MAP4K3: variants seen among roughly 807,000 people sequenced by gnomAD.
MAP4K3 encodes MAPK/ERK kinase kinase kinase 3.
MAP4K3 carries 94 observed loss-of-function variants against 143.5 expected under a neutral mutation model. The ratio of observed to expected loss-of-function variants is 0.65; its 90% CI spans 0.55 to 0.78. MAP4K3 has a LOEUF of 0.78. MAP4K3 is among the 30% of genes least tolerant of loss of function. The probability of loss-of-function intolerance (pLI) is 0.00; values close to 1 mark genes in which losing one functional copy is unlikely to be tolerated. For synonymous variants in MAP4K3, 416 were observed against 347.2 expected (o/e 1.20, Z -2.20); for missense variants, 1,077 against 1,068.1 (o/e 1.01, Z -0.12).
chr2:39,423,446 T>G (rs945442398), intron 1 of MAP4K3, among the ~76,000 whole-genome samples: 1 of 152,198 alleles, frequency 6.6e-6, no homozygotes, highest in Non-Finnish European at 1.5e-5. Context: ...AAAATTTATG[T>G]CCATATAAAA....
intron 28 of MAP4K3, among the ~76,000 whole-genome samples, chr2:39,263,643 G>A (rs1680660337): frequency 6.6e-6 from 1 of 152,072 alleles, no homozygotes. Context: ...AGGAAGGCAG[G>A]CAAACATTAT....
intron 1 of MAP4K3, among the ~76,000 whole-genome samples, chr2:39,383,359 C>T (rs936329423): frequency 1.3e-5 from 2 of 152,064 alleles, no homozygotes; most frequent in Admixed American, 1.3e-4. Flanking sequence ...ACCATCAGAT[C>T]TCATGAGAAC....
chr2:39,269,293 A>C (rs534661687), intron 26 of MAP4K3, among the ~76,000 whole-genome samples: 1 of 152,074 alleles, frequency 6.6e-6, no homozygotes, highest in Admixed American at 6.5e-5. Context: ...GTAGTACTGT[A>C]ATTTTAACCC....
intron 4 of MAP4K3, among the ~76,000 whole-genome samples, chr2:39,339,292 T>C (rs1376948153): frequency 6.6e-6 from 1 of 152,190 alleles, no homozygotes. Context: ...CCACACACAT[T>C]CAGTAAGATA....
At chr2:39,352,312 A>G (rs1228500368) in intron 3 of MAP4K3, among the ~76,000 whole-genome samples, 1 of 152,078 alleles carries the variant, frequency 6.6e-6, no homozygotes, top group Non-Finnish European at 1.5e-5. Flanking sequence ...ATAAATGAGC[A>G]TTTATTGTTT....
intron 2 of MAP4K3, 41 bp downstream of exon 2, chr2:39,378,025 G>T: frequency 2.6e-6 from 3 of 1,153,998 alleles, no homozygotes; most frequent in Non-Finnish European, 3.9e-6. Flanking sequence ...ATATCCCATG[G>T]CTTTCTAGCA....
At chr2:39,252,369 G>T (rs556096631) in intron 32 of MAP4K3, among the ~76,000 whole-genome samples, 1 of 152,318 alleles carries the variant, frequency 6.6e-6, no homozygotes, top group Admixed American at 6.5e-5. Flanking sequence ...GCTAGAAATG[G>T]TTTTGCCTTA....
chr2:39,413,206 G>A (rs1360600507), intron 1 of MAP4K3, among the ~76,000 whole-genome samples: 1 of 152,146 alleles, frequency 6.6e-6, no homozygotes, highest in East Asian at 1.9e-4. Flanking sequence ...ATCAGAAAGA[G>A]AAAAATACAT....
At chr2:39,425,461 G>C (rs765784192) in intron 1 of MAP4K3, among the ~76,000 whole-genome samples, 1 of 152,204 alleles carries the variant, frequency 6.6e-6, no homozygotes, top group Non-Finnish European at 1.5e-5. Flanking sequence ...AGCATCTGGA[G>C]ATGGGGCTTT....
At chr2:39,318,175 G>C (rs1415705706) in intron 12 of MAP4K3, among the ~76,000 whole-genome samples, 1 of 152,036 alleles carries the variant, frequency 6.6e-6, no homozygotes, top group African/African-American at 2.4e-5. Flanking sequence ...TGTTCTCACT[G>C]ATAAGTGGGA....
intron 1 of MAP4K3, among the ~76,000 whole-genome samples, chr2:39,410,189 T>C (rs935936579): frequency 1.3e-5 from 2 of 152,202 alleles, no homozygotes; most frequent in Non-Finnish European, 2.9e-5. Flanking sequence ...ATCTGTCATT[T>C]AAAGCAACAG....
At chr2:39,332,915 T>A (rs1452410389) in intron 7 of MAP4K3, among the ~76,000 whole-genome samples, 1 of 152,068 alleles carries the variant, frequency 6.6e-6, no homozygotes, top group Non-Finnish European at 1.5e-5. Flanking sequence ...AAATAACTGT[T>A]TTCTATTTGT....
At chr2:39,290,084 C>CAAAAA (rs57058905) in intron 19 of MAP4K3, among the ~76,000 whole-genome samples, 3 of 111,976 alleles carry the variant, frequency 2.7e-5, no homozygotes, top group African/African-American at 1.1e-4. Flanking sequence ...GAGACTGTCT[C>CAAAAA]AAAAAAAAAA....
chr2:39,267,309 A>C, intron 26 of MAP4K3, 62 bp from the exon 27 acceptor site: 3 of 1,254,326 alleles, frequency 2.4e-6, no homozygotes, highest in Non-Finnish European at 3.5e-6. Context: ...TGAAAAAGCT[A>C]CTGTTATAGA....
At chr2:39,342,108 G>T (rs1290100583) in intron 4 of MAP4K3, among the ~76,000 whole-genome samples, 1 of 143,144 alleles carries the variant, frequency 7.0e-6, no homozygotes, top group Non-Finnish European at 1.5e-5. Context: ...TGTCTTTCTA[G>T]TATTATTATT....
intron 2 of MAP4K3, among the ~76,000 whole-genome samples, chr2:39,374,477 T>C (rs2148576469): frequency 6.6e-6 from 1 of 152,110 alleles, no homozygotes; most frequent in Non-Finnish European, 1.5e-5. Flanking sequence ...AGGTCAGGAA[T>C]TCAATACCAG....
chr2:39,425,648 C>A (rs1665044858), intron 1 of MAP4K3, among the ~76,000 whole-genome samples: 1 of 151,924 alleles, frequency 6.6e-6, no homozygotes, highest in Non-Finnish European at 1.5e-5. Context: ...AATGTCTAGC[C>A]TCCAGAACTG....
intron 2 of MAP4K3, among the ~76,000 whole-genome samples, chr2:39,361,798 A>C (rs141270778): frequency 8.6e-5 from 13 of 151,976 alleles, no homozygotes; most frequent in African/African-American, 2.9e-4. Context: ...TAGCTGTTTG[A>C]TACTGCAAGT....
At chr2:39,360,392 T>C (rs1318296739) in intron 2 of MAP4K3, among the ~76,000 whole-genome samples, 1 of 152,214 alleles carries the variant, frequency 6.6e-6, no homozygotes, top group African/African-American at 2.4e-5. Context: ...CCCACATCTT[T>C]CTGTCTTCTG....
Sources: gnomAD v4.1 joint callset for allele counts (sites outside exome capture counted in the v4.1 genomes callset) on GRCh38, gnomAD v4.1.1 for gene constraint, MANE v1.5 for transcripts, NCBI Gene and HGNC (gene_info 2026-07-23, HGNC 2026-07-21) for gene names.